NEDD9: variants seen among roughly 807,000 people sequenced by gnomAD.
The protein encoded by NEDD9 is neural precursor cell expressed, developmentally down-regulated 9.
NEDD9 carries 26 observed loss-of-function variants against 76.6 expected under a neutral mutation model. That is an observed-to-expected ratio of 0.34 (90% CI 0.25 to 0.47). The LOEUF (loss-of-function observed/expected upper bound fraction) is 0.47. NEDD9 is among the 20% of genes least tolerant of loss of function. NEDD9 has a pLI of 1.00. For missense variants in NEDD9, 937 were observed against 1,058.5 expected, an observed-to-expected ratio of 0.89 and a Z score of 1.59; for synonymous variants, 392 against 414.2, an observed-to-expected ratio of 0.95 and a Z score of 0.65.
At chr6:11,344,937 G>A (rs1762337607) in intron 1 of NEDD9, among the ~76,000 whole-genome samples, 1 of 152,184 alleles carries the variant, frequency 6.6e-6, no homozygotes, top group Non-Finnish European at 1.5e-5. Flanking sequence ...CTCATTTCAA[G>A]CCCTTCTGCT....
At chr6:11,335,924 A>G (rs955529887) in intron 1 of NEDD9, among the ~76,000 whole-genome samples, 1 of 152,182 alleles carries the variant, frequency 6.6e-6, no homozygotes, top group African/African-American at 2.4e-5. Context: ...AAGAAGTCCC[A>G]AATCCTCAGG....
At chr6:11,298,307 G>C (rs544397465) in intron 3 of NEDD9, among the ~76,000 whole-genome samples, 3 of 152,236 alleles carry the variant, frequency 2.0e-5, no homozygotes, top group African/African-American at 7.2e-5. Flanking sequence ...GTGTGTATCT[G>C]TGTGTATGAA....
intron 3 of NEDD9, among the ~76,000 whole-genome samples, chr6:11,242,943 A>C (rs560447029): frequency 8.3e-4 from 124 of 149,480 alleles, no homozygotes; most frequent in Non-Finnish European, 1.5e-3. Flanking sequence ...ATCTACAAAG[A>C]GTCATGCCAA....
At chr6:11,283,794 G>C (rs866615953) in intron 3 of NEDD9, among the ~76,000 whole-genome samples, 33 of 152,278 alleles carry the variant, frequency 2.2e-4, no homozygotes, top group African/African-American at 7.9e-4. Flanking sequence ...GCACAGAAAT[G>C]GATTTCCAAT....
chr6:11,229,953 A>G (rs1419251382), intron 1 of NEDD9, among the ~76,000 whole-genome samples: 1 of 152,210 alleles, frequency 6.6e-6, no homozygotes, highest in East Asian at 1.9e-4. Flanking sequence ...CAAACCAGAT[A>G]ATCAGGTTAA....
intron 1 of NEDD9, among the ~76,000 whole-genome samples, chr6:11,356,315 A>G (rs1762574631): frequency 6.6e-6 from 1 of 152,208 alleles, no homozygotes; most frequent in African/African-American, 2.4e-5. Flanking sequence ...ACTGCCTGCC[A>G]CACCTGGATA....
At chr6:11,201,636 A>G (rs563176970) in intron 2 of NEDD9, among the ~76,000 whole-genome samples, 34 of 152,288 alleles carry the variant, frequency 2.2e-4, no homozygotes, top group African/African-American at 6.5e-4. Flanking sequence ...ACTTATTATT[A>G]TTTATACTTC....
chr6:11,305,468 C>G, intron 3 of NEDD9: 1 of 209,566 alleles, frequency 4.8e-6, no homozygotes, highest in Non-Finnish European at 9.8e-6. Flanking sequence ...ATCATTTCTT[C>G]TACTGAATTT....
At position 11,190,219 on chromosome 6, in the gene NEDD9, G is replaced by A. The variant is rs1758100566; in HGVS notation, c.1650C>T (p.Asn550=). ...DDAKQLTTTI[N]TNAEALFRPG... is the part of the protein sequence containing the mutation. ...GTCTGAAGAGGGCCTCTGCGTTGGT[G>A]TTGATGGTTGTGGTGAGCTGCTTGG... is the stretch of plus-strand genomic sequence containing the variant. The change falls in exon 5 of 7, where the codon AAC becomes AAT. Residue 550 remains asparagine (N), a synonymous_variant. Coordinates refer to ENST00000379446, the MANE Select transcript of NEDD9 (RefSeq NM_006403.4). This position sits in a 1 kb window ranked among gnomAD's most constrained non-coding sequence, Gnocchi z 5.8. The A allele has an allele frequency of 1.1e-5, 17 of 1,614,242 alleles. No individual in the cohort carries two copies. Among genetic ancestry groups the A allele is most frequent in the Non-Finnish European group, 1.1e-5 (13 of 1,180,044 alleles).
intron 1 of NEDD9, among the ~76,000 whole-genome samples, chr6:11,373,910 G>T (rs1762925763): frequency 6.6e-6 from 1 of 152,144 alleles, no homozygotes; most frequent in Non-Finnish European, 1.5e-5. Flanking sequence ...GAGCAAGAAG[G>T]AATTCAGCTA....
chr6:11,207,233 A>G (rs1758642752), intron 2 of NEDD9, among the ~76,000 whole-genome samples: 1 of 152,220 alleles, frequency 6.6e-6, no homozygotes, highest in Non-Finnish European at 1.5e-5. Flanking sequence ...GCTAATATAT[A>G]GCACTTAGTT....
chr6:11,287,666 C>T (rs995896974), intron 3 of NEDD9, among the ~76,000 whole-genome samples: 2 of 152,164 alleles, frequency 1.3e-5, no homozygotes, highest in Admixed American at 1.3e-4. Context: ...CACATTCCTA[C>T]TTAATGGTCT....
At chr6:11,200,207 C>A (rs1758408555) in intron 2 of NEDD9, 1 of 431,050 alleles carries the variant, frequency 2.3e-6, no homozygotes. Context: ...CAAACCACCC[C>A]CGACTTTGGG....
chr6:11,276,563 G>A (rs369396048), intron 3 of NEDD9, among the ~76,000 whole-genome samples: 106 of 152,316 alleles, frequency 7.0e-4, no homozygotes, highest in African/African-American at 2.2e-3. Context: ...TGCTACTCAC[G>A]CTTTTGGCCC....
intron 1 of NEDD9, among the ~76,000 whole-genome samples, chr6:11,355,868 C>T (rs568744229): frequency 6.6e-6 from 1 of 151,412 alleles, no homozygotes; most frequent in Non-Finnish European, 1.5e-5. Flanking sequence ...CTACAGGCAC[C>T]CGCCACCACG....
intron 2 of NEDD9, among the ~76,000 whole-genome samples, chr6:11,319,490 T>C (rs1429775658): frequency 1.4e-5 from 2 of 142,334 alleles, no homozygotes; most frequent in East Asian, 2.1e-4. Context: ...AAGCAAATAA[T>C]CACACACTCA....
chr6:11,332,459 G>A (rs144409800), intron 2 of NEDD9, among the ~76,000 whole-genome samples: 44 of 152,206 alleles, frequency 2.9e-4, no homozygotes, highest in African/African-American at 8.4e-4. Context: ...CTCATCTCTC[G>A]CCTCACATTG....
At chr6:11,191,476 C>T (rs1272314629) in intron 4 of NEDD9, among the ~76,000 whole-genome samples, 1 of 152,168 alleles carries the variant, frequency 6.6e-6, no homozygotes, top group Non-Finnish European at 1.5e-5. Flanking sequence ...TTTCTGACCA[C>T]CTCCTGGGTA....
At chr6:11,277,603 G>A (rs1297071474) in intron 3 of NEDD9, among the ~76,000 whole-genome samples, 3 of 152,162 alleles carry the variant, frequency 2.0e-5, no homozygotes, top group South Asian at 2.1e-4. Context: ...GATGAGGCAC[G>A]TTGCCCTCAG....
Sources: allele counts gnomAD v4.1 joint callset (sites outside exome capture counted in the v4.1 genomes callset), GRCh38; gene constraint gnomAD v4.1.1; non-coding constraint Gnocchi (gnomAD v3.1); transcripts MANE v1.5; gene names NCBI Gene and HGNC (gene_info 2026-07-23, HGNC 2026-07-21).